The following YY1 variants were observed in gnomAD, a reference collection of about 807,000 sequenced individuals.
YY1 encodes transcriptional repressor protein YY1.
Under a neutral mutation model 35.6 loss-of-function variants are expected in YY1, and 2 were observed. That is an observed-to-expected ratio of 0.06 (90% CI 0.02 to 0.18). The LOEUF is 0.18. Ranked by LOEUF, YY1 falls within the 10% of genes least tolerant of loss-of-function variation. YY1 has a pLI of 1.00. For missense variants in YY1, 322 were observed against 573.4 expected (o/e 0.56, Z 4.48); for synonymous variants, 268 against 238.9 (o/e 1.12, Z -1.12).
At chr14:100,259,845 G>A (rs571835031) in intron 1 of YY1, among the ~76,000 whole-genome samples, 93 of 152,272 alleles carry the variant, frequency 6.1e-4, no homozygotes, top group African/African-American at 2.2e-3. Flanking sequence ...GTTAAAGTGG[G>A]ACCAGACAGC....
intron 1 of YY1, among the ~76,000 whole-genome samples, chr14:100,249,410 G>A (rs536428375): frequency 8.2e-4 from 125 of 152,136 alleles, no homozygotes; most frequent in African/African-American, 3.0e-3. Flanking sequence ...GTGAGACACC[G>A]TGCCTGGCTT....
At chr14:100,269,749 ACTTACTC>A (rs1891206858) in intron 2 of YY1, among the ~76,000 whole-genome samples, 1 of 152,146 alleles carries the variant, frequency 6.6e-6, no homozygotes, top group African/African-American at 2.4e-5. Flanking sequence ...TAAATCTTCC[ACTTACTC>A]CTTAAGTCCA....
intron 2 of YY1, among the ~76,000 whole-genome samples, chr14:100,272,966 T>G (rs1196617436): frequency 6.0e-5 from 4 of 66,864 alleles, no homozygotes; most frequent in Middle Eastern, 9.4e-3. Flanking sequence ...TTTTTTTTTG[T>G]TTTTTTTTTT....
intron 1 of YY1, among the ~76,000 whole-genome samples, chr14:100,256,628 G>A (rs1891009671): frequency 1.3e-5 from 2 of 152,168 alleles, no homozygotes; most frequent in Admixed American, 1.3e-4. Flanking sequence ...CTGGTATGAG[G>A]TACCTGAAAT....
At chr14:100,242,141 T>C (rs1890756471) in intron 1 of YY1, among the ~76,000 whole-genome samples, 1 of 152,146 alleles carries the variant, frequency 6.6e-6, no homozygotes. Flanking sequence ...GTGTGTGGAA[T>C]TAGAGGAATT....
rs898405920 is a variant in YY1, at chr14:100,241,991, C to G, written c.679+2068C>G. Among the ~76,000 whole-genome samples, 203 of 82,262 alleles carry G rather than the reference C, an allele frequency of 2.5e-3. 2 individuals carry two copies. The highest frequency in any genetic ancestry group is 3.9e-3 in the Non-Finnish European group (142 of 36,062). 54.0% of individuals were successfully genotyped at this position (82,262 alleles called of 152,430 possible). A position where few individuals can be genotyped will look rare whatever the true frequency, so the allele number is the denominator to read the frequency against. ...CTCTGTCTCAAAAGGGGGGGGGGGG[C>G]ATTTTTTTTTGTTAATACCAATGAG... On this transcript the variant is annotated intron_variant, in intron 1 of 4. Coordinates refer to ENST00000262238, the MANE Select transcript of YY1 (RefSeq NM_003403.5).
rs749080903 is a variant in YY1 at position 100,276,420 on chromosome 14, G to A, written c.904-70G>A. On this transcript the variant is annotated intron_variant, in intron 3 of 4. Coordinates refer to ENST00000262238, the MANE Select transcript of YY1 (RefSeq NM_003403.5). The surrounding 1 kb of genome is among the most constrained non-coding windows in gnomAD (Gnocchi z 4.1). Reference sequence around the variant, plus strand: ...GTTTTGTTTTAATATGTCAGTAAAGGCTGTTAAATGGTTGAATCCTTTCTA... The same window carrying A: ...GTTTTGTTTTAATATGTCAGTAAAGACTGTTAAATGGTTGAATCCTTTCTA... 4.0e-5 allele frequency: 65 copies of A among 1,607,796 alleles called. No individual in the cohort carries two copies. The highest frequency in any genetic ancestry group is 5.3e-5 in the Non-Finnish European group (62 of 1,174,888).
intron 2 of YY1, among the ~76,000 whole-genome samples, chr14:100,272,888 C>A (rs1183454319): frequency 6.6e-6 from 1 of 151,888 alleles, no homozygotes; most frequent in African/African-American, 2.4e-5. Context: ...TGAGGACATA[C>A]CGCGTTTGAT....
chr14:100,260,794 T>TTTC (rs1891075273), intron 1 of YY1, among the ~76,000 whole-genome samples: 5 of 117,186 alleles, frequency 4.3e-5, no homozygotes, highest in African/African-American at 1.7e-4. Flanking sequence ...TTTTTTTTTT[T>TTTC]TTTTTTTTTT....
At chr14:100,255,286 AAT>A (rs1890988678) in intron 1 of YY1, among the ~76,000 whole-genome samples, 1 of 152,098 alleles carries the variant, frequency 6.6e-6, no homozygotes, top group Non-Finnish European at 1.5e-5. Context: ...AGACCAACAA[AAT>A]ATGTTTTATT....
At chr14:100,269,479 C>T (rs371067242) in intron 2 of YY1, among the ~76,000 whole-genome samples, 15 of 151,910 alleles carry the variant, frequency 9.9e-5, no homozygotes, top group Non-Finnish European at 2.2e-4. Flanking sequence ...CAAAAGTGTC[C>T]GTTGGTGAAT....
In YY1 at chr14:100,279,087, G is replaced by C. The variant is rs1891372002; in HGVS notation, c.*1487G>C. ...GGTGATTAGATTATTAGAAAATTCT[G>C]CTCAATGAGTACCTCTCACATTGTA... is the stretch of plus-strand genomic sequence containing the variant. On this transcript the variant is annotated 3_prime_UTR_variant, in exon 5 of 5. Coordinates refer to ENST00000262238, the MANE Select transcript of YY1 (RefSeq NM_003403.5). 1 of 152,172 alleles carries C rather than the reference G, an allele frequency of 6.6e-6. No homozygotes were observed. The highest frequency in any genetic ancestry group is 2.4e-5 in the African/African-American group (1 of 41,438). 9.4% of individuals were successfully genotyped at this position (152,172 alleles called of 1,614,324 possible).
In YY1 at chr14:100,239,416, G is replaced by A; in HGVS notation, c.172G>A (p.Asp58Asn). The A allele has an allele frequency of 6.3e-7, 1 of 1,594,846 alleles. No homozygotes were observed. Among genetic ancestry groups the A allele is most frequent in the Non-Finnish European group, 8.5e-7 (1 of 1,172,186 alleles). Residue 58 changes from aspartate (D) to asparagine (N), a missense_variant, in exon 1 of 5, where the codon GAC becomes AAC. Asp to Asn is a conservative substitution (Grantham distance 23, BLOSUM62 1). Coordinates refer to ENST00000262238, the MANE Select transcript of YY1 (RefSeq NM_003403.5). The part of the protein sequence containing the change: ...DDDDEDGGGG[D>N]HGGGGGHGHA... ...CGACGACGAGGACGGCGGCGGTGGC[G>A]ACCACGGCGGCGGGGGCGGCCACGG... is the stretch of plus-strand genomic sequence containing the variant.
intron 1 of YY1, among the ~76,000 whole-genome samples, chr14:100,250,195 G>A (rs1206883708): frequency 6.6e-6 from 1 of 152,200 alleles, no homozygotes; most frequent in Non-Finnish European, 1.5e-5. Context: ...TTGCCAGAAT[G>A]AGACAGGTAC....
intron 2 of YY1, among the ~76,000 whole-genome samples, chr14:100,274,094 C>T (rs942126044): frequency 6.6e-6 from 1 of 152,144 alleles, no homozygotes; most frequent in Non-Finnish European, 1.5e-5. Context: ...AATGGTTTGT[C>T]GTGTGTCCTT....
intron 1 of YY1, among the ~76,000 whole-genome samples, chr14:100,245,927 T>G (rs1890826309): frequency 6.6e-6 from 1 of 152,198 alleles, no homozygotes; most frequent in Non-Finnish European, 1.5e-5. Flanking sequence ...GTTTTATAAC[T>G]TAGTTAATTA....
chr14:100,268,950 G>A (rs1182657887), intron 2 of YY1, among the ~76,000 whole-genome samples: 1 of 152,228 alleles, frequency 6.6e-6, no homozygotes, highest in East Asian at 1.9e-4. Flanking sequence ...ACAATGCTCT[G>A]CTGATACTGT....
intron 1 of YY1, among the ~76,000 whole-genome samples, chr14:100,257,456 C>T (rs1398202271): frequency 6.6e-6 from 1 of 152,156 alleles, no homozygotes; most frequent in Non-Finnish European, 1.5e-5. Flanking sequence ...GTTTGTGTCT[C>T]TCCCAGATTC....
Position 100,273,971 on chromosome 14 carries a change from C to G in YY1, c.843-727C>G. On this transcript the variant is annotated intron_variant, in intron 2 of 4. Coordinates refer to ENST00000262238, the MANE Select transcript of YY1 (RefSeq NM_003403.5). ...TACCACATTACCAGGACTCTTGGTA[C>G]AAATGAGAACTTCCAAGCCCCCATC... is the stretch of plus-strand genomic sequence containing the variant. 1.3e-5 allele frequency among the ~76,000 whole-genome samples: 2 copies of G among 152,076 alleles called. 1 individual carries two copies. The highest frequency in any genetic ancestry group is 2.9e-5 in the Non-Finnish European group (2 of 68,028).
Sources: allele counts gnomAD v4.1 joint callset (sites outside exome capture counted in the v4.1 genomes callset), GRCh38; gene constraint gnomAD v4.1.1; non-coding constraint Gnocchi (gnomAD v3.1); transcripts MANE v1.5; gene names NCBI Gene and HGNC (gene_info 2026-07-23, HGNC 2026-07-21).